Variants in NSD1 observed in about 807,000 individuals in gnomAD.
NSD1 encodes histone-lysine N-methyltransferase, H3 lysine-36 specific.
A neutral mutation model predicts 242.7 loss-of-function variants in NSD1; 26 were observed. That is an observed-to-expected ratio of 0.11 (90% CI 0.08 to 0.15). The LOEUF is 0.15. Among genes scored for constraint, NSD1 ranks in the 10% least tolerant of loss-of-function variants. The pLI, the probability that NSD1 is intolerant of heterozygous loss-of-function variation, is 1.00. For missense variants in NSD1, 2,495 were observed against 3,272.8 expected (o/e 0.76, Z 5.80); for synonymous variants, 1,106 against 1,178.1 (o/e 0.94, Z 1.25).
At position 177,269,772 on chromosome 5, in the gene NSD1, A is replaced by G. The variant is rs758584843; in HGVS notation, c.5474A>G (p.Lys1825Arg). The G allele has an allele frequency of 8.1e-6, 13 of 1,614,154 alleles. No homozygotes were observed. Among genetic ancestry groups the G allele is most frequent in the Non-Finnish European group, 1.1e-5 (13 of 1,179,986 alleles). The change falls in exon 16 of 23, where the codon AAG becomes AGG. Residue 1825 changes from lysine to arginine, a missense_variant. By Grantham distance (26) the Lys-to-Arg change is conservative (BLOSUM62 2). Transcript: ENST00000439151. This position sits in a 1 kb window ranked among gnomAD's most constrained non-coding sequence, Gnocchi z 5.1. ...GAGGGTGACGTGAGCAGCAAGGATA[A>G]GATGGGCAAAGGAGTGGATGGGACA... is the stretch of plus-strand genomic sequence containing the variant. ...YMEGDVSSKD[K>R]MGKGVDGTYK...
intron 2 of NSD1, among the ~76,000 whole-genome samples, chr5:177,186,084 A>AATATATATAAATATATATAT (rs1761198269): frequency 8.9e-6 from 1 of 112,858 alleles, no homozygotes; most frequent in East Asian, 2.3e-4. Flanking sequence ...TATATAATAT[A>AATATATATAAATATATATAT]TTATATATAA....
chr5:177,212,204 ATCTAAAT>A lies in NSD1; in HGVS notation c.3796+10_3796+16del. ...TGAGCTCCCTGAACCAGGTAAGGACATCTAAATGTGATAAAAAAAAAAAAATTGGAGA... is the reference window on the plus strand; with the variant it reads ...TGAGCTCCCTGAACCAGGTAAGGACAGTGATAAAAAAAAAAAAATTGGAGA... On this transcript the variant is annotated intron_variant, in intron 5 of 22. Transcript: ENST00000439151. 1 of 1,610,324 alleles carries A rather than the reference ATCTAAAT, an allele frequency of 6.2e-7. No individual in the cohort carries two copies. The highest frequency in any genetic ancestry group is 8.5e-7 in the Non-Finnish European group (1 of 1,179,262).
intron 2 of NSD1, among the ~76,000 whole-genome samples, chr5:177,176,592 C>T (rs181362924): frequency 7.9e-5 from 12 of 152,162 alleles, no homozygotes; most frequent in East Asian, 7.7e-4. Context: ...CCACCACACC[C>T]GACCCCATTA....
intron 5 of NSD1, among the ~76,000 whole-genome samples, chr5:177,230,752 A>G (rs576486457): frequency 6.7e-6 from 1 of 149,134 alleles, no homozygotes; most frequent in Non-Finnish European, 1.5e-5. Flanking sequence ...ACTTGAACCC[A>G]TGAGGTGAAG....
Position 177,211,016 on chromosome 5 carries a change from G to A in NSD1, c.2617G>A (p.Gly873Ser), listed in dbSNP as rs1431528685. Residue 873 changes from glycine (G) to serine (S), a missense_variant, in exon 5 of 23, where the codon GGT (glycine) becomes AGT (serine). Coordinates refer to ENST00000439151, the MANE Select transcript of NSD1 (RefSeq NM_022455.5). ...ELKELSYRSL[G>S]EDVSDSGTSK... ...GAAGGAACTCTCTTACAGATCCTTA[G>A]GTGAGGATGTCAGTGACTCTGGAAC... is the stretch of plus-strand genomic sequence containing the variant. 6.2e-7 allele frequency: 1 copy of A among 1,614,176 alleles called. No individual in the cohort carries two copies. Among genetic ancestry groups the A allele is most frequent in the East Asian group, 2.2e-5 (1 of 44,890 alleles).
In NSD1 at chr5:177,210,547, T is replaced by C. The variant is rs780294858; in HGVS notation, c.2148T>C (p.Thr716=). The part of the protein sequence containing the change: ...NSHTDHLMGC[T]KSAEPGTETS... The stretch of plus-strand genomic sequence containing the variant: ...ATACAGACCACTTAATGGGTTGTAC[T>C]AAGAGTGCAGAGCCTGGAACCGAGA... Residue 716 remains threonine (T), a synonymous_variant, in exon 5 of 23, where the codon ACT becomes ACC. Transcript: ENST00000439151. 9 of 1,614,070 alleles carry C rather than the reference T, an allele frequency of 5.6e-6. No individual in the cohort carries two copies.
intron 14 of NSD1, chr5:177,266,309 T>G: frequency 1.4e-6 from 1 of 728,638 alleles, no homozygotes; most frequent in Non-Finnish European, 2.6e-6. Flanking sequence ...TTTGACAATC[T>G]TCACCGCATA....
chr5:177,294,597 C>G lies in NSD1; in HGVS notation c.7229C>G (p.Pro2410Arg), dbSNP rs774180818. The G allele has an allele frequency of 6.2e-7, 1 of 1,614,206 alleles. No homozygotes were observed. The highest frequency in any genetic ancestry group is 1.1e-5 in the South Asian group (1 of 91,084). Residue 2410 changes from proline to arginine, a missense_variant, in exon 23 of 23, where the codon CCC becomes CGC. By Grantham distance (103) the Pro-to-Arg change is moderately radical. Coordinates refer to ENST00000439151, the MANE Select transcript of NSD1 (RefSeq NM_022455.5). Reference protein sequence around the residue: ...PQTSDRPTDKPHASLSQRLPP... With the variant: ...PQTSDRPTDKRHASLSQRLPP... ...ACTTCAGACAGGCCTACTGACAAACCCCATGCCTCTTTGTCCCAGAGACTC... is the reference window on the plus strand; with the variant it reads ...ACTTCAGACAGGCCTACTGACAAACGCCATGCCTCTTTGTCCCAGAGACTC...
intron 2 of NSD1, 172 bp downstream of exon 2, chr5:177,136,202 T>C: frequency 3.3e-6 from 2 of 614,374 alleles, no homozygotes; most frequent in South Asian, 3.9e-5. Context: ...AATTTATCTC[T>C]GTTGTATGAA....
chr5:177,295,265 C>A lies in NSD1; in HGVS notation c.7897C>A (p.Arg2633=), dbSNP rs758475990. Residue 2633 remains arginine, a synonymous_variant, in exon 23 of 23, where the codon CGG becomes AGG. Coordinates refer to ENST00000439151, the MANE Select transcript of NSD1 (RefSeq NM_022455.5). The surrounding 1 kb of genome is among the most constrained non-coding windows in gnomAD (Gnocchi z 4.3). ...SPWALGKASS[R]AGLWPIVAGQ... is the part of the protein sequence containing the mutation. ...CTGGGCCCTGGGAAAAGCCTCATCA[C>A]GGGCAGGGCTCTGGCCCATAGTGGC... 1 of 1,614,246 alleles carries A rather than the reference C, an allele frequency of 6.2e-7. No homozygotes were observed. The highest frequency in any genetic ancestry group is 8.5e-7 in the Non-Finnish European group (1 of 1,180,046).
chr5:177,159,617 C>T (rs1236794635), intron 2 of NSD1, among the ~76,000 whole-genome samples: 12 of 133,736 alleles, frequency 9.0e-5, no homozygotes, highest in Middle Eastern at 4.4e-3. Context: ...TTTTTTGAGA[C>T]GGAGTTTCGC....
chr5:177,133,145 A>C (rs1755986255), upstream of NSD1: 1 of 152,458 alleles, frequency 6.6e-6, no homozygotes, highest in African/African-American at 2.4e-5. This position sits in a 1 kb window ranked among gnomAD's most constrained non-coding sequence, Gnocchi z 6.2. Flanking sequence ...ACCCCAGCCC[A>C]AGCCCCCAGG....
At chr5:177,265,494 A>C in intron 14 of NSD1, 1 of 650,198 alleles carries the variant, frequency 1.5e-6, no homozygotes, top group Non-Finnish European at 2.7e-6. Context: ...GGAGGGAGAG[A>C]GAGAGGAAGG....
At chr5:177,282,979 A>C (rs904816639) in intron 19 of NSD1, among the ~76,000 whole-genome samples, 2 of 152,140 alleles carry the variant, frequency 1.3e-5, no homozygotes, top group African/African-American at 4.8e-5. Context: ...TTTGAGACAG[A>C]GTCTCGTTCT....
chr5:177,165,194 G>A (rs914447515), intron 2 of NSD1, among the ~76,000 whole-genome samples: 6 of 152,216 alleles, frequency 3.9e-5, no homozygotes, highest in Admixed American at 3.3e-4. Flanking sequence ...TTTATTTTGA[G>A]ACAGTCTTGT....
chr5:177,138,220 T>A (rs1756509438), intron 2 of NSD1, among the ~76,000 whole-genome samples: 1 of 152,054 alleles, frequency 6.6e-6, no homozygotes, highest in South Asian at 2.1e-4. Flanking sequence ...GAAATTGAAA[T>A]TGCTCAAAGA....
At chr5:177,236,867 G>A (rs1055075582) in intron 6 of NSD1, among the ~76,000 whole-genome samples, 8 of 152,188 alleles carry the variant, frequency 5.3e-5, no homozygotes, top group Non-Finnish European at 7.3e-5. Flanking sequence ...AATTGAGACA[G>A]TGTCTTGCCC....
intron 2 of NSD1, among the ~76,000 whole-genome samples, chr5:177,145,782 C>T (rs1365910010): frequency 6.6e-6 from 1 of 151,890 alleles, no homozygotes; most frequent in East Asian, 1.9e-4. Context: ...ATGGTGCGTG[C>T]TTGTAATCCC....
chr5:177,208,110 A>T (rs1008602794), intron 4 of NSD1, among the ~76,000 whole-genome samples: 15 of 152,122 alleles, frequency 9.9e-5, no homozygotes, highest in African/African-American at 3.4e-4. Context: ...CTTCACAAAT[A>T]TTAAACTATT....
Sources: allele counts gnomAD v4.1 joint callset (sites outside exome capture counted in the v4.1 genomes callset), GRCh38; gene constraint gnomAD v4.1.1; non-coding constraint Gnocchi (gnomAD v3.1); transcripts MANE v1.5; gene names NCBI Gene and HGNC (gene_info 2026-07-23, HGNC 2026-07-21).